The following CHEK2 variants were observed in gnomAD, a reference collection of about 807,000 sequenced individuals.
CHEK2 encodes the protein serine/threonine-protein kinase Chk2.
In CHEK2, 71 loss-of-function variants were observed where a neutral mutation model predicts 69.1. The observed-to-expected ratio is 1.03, with a 90% CI of 0.85 to 1.25. The LOEUF is 1.25. Among genes scored for constraint, CHEK2 ranks in the 50% most tolerant of loss-of-function variants. The pLI, the probability that CHEK2 is intolerant of heterozygous loss-of-function variation, is 0.00. For missense variants in CHEK2, 664 were observed against 649.6 expected, an observed-to-expected ratio of 1.02 and a Z score of -0.24; for synonymous variants, 189 against 226.9, an observed-to-expected ratio of 0.83 and a Z score of 1.50.
chr22:28,726,394 A>T (rs879322214), intron 2 of CHEK2: 67 of 147,332 alleles, frequency 4.5e-4, no homozygotes, highest in Non-Finnish European at 8.0e-4. Context: ...CAAATATTTA[A>T]TATATATTAT....
At chr22:28,699,747 T>A in intron 9 of CHEK2, 91 bp downstream of exon 9, 1 of 927,730 alleles carries the variant, frequency 1.1e-6, no homozygotes, top group Non-Finnish European at 1.8e-6. Context: ...CTTCTGAGTT[T>A]TAATCCACGG....
chr22:28,703,434 C>T (rs769444120), intron 8 of CHEK2, 71 bp downstream of exon 8: 19 of 844,978 alleles, frequency 2.2e-5, no homozygotes, highest in Non-Finnish European at 3.7e-5. Flanking sequence ...GGCAAGCCTA[C>T]ATTAGATTCT....
In CHEK2 at chr22:28,725,134, AG is replaced by A; in HGVS notation, c.445-11del. The A allele has an allele frequency of 6.2e-7, 1 of 1,614,140 alleles. No homozygotes were observed. ...TTTTAGGACCCACTTCCTAAAATAG[AG>A]AACATTTTGTTTCAGACTTTGAATA... On this transcript the variant is annotated splice_polypyrimidine_tract_variant and intron_variant, in intron 3 of 14. Coordinates refer to ENST00000404276, the MANE Select transcript of CHEK2 (RefSeq NM_007194.4).
At chr22:28,714,730 C>A (rs1428619420) in intron 5 of CHEK2, among the ~76,000 whole-genome samples, 2 of 152,136 alleles carry the variant, frequency 1.3e-5, no homozygotes, top group South Asian at 2.1e-4. Flanking sequence ...TCATGAAGAG[C>A]TGTCCCTATG....
chr22:28,717,958 G>A (rs755724259), intron 5 of CHEK2, among the ~76,000 whole-genome samples: 1 of 152,300 alleles, frequency 6.6e-6, no homozygotes, highest in South Asian at 2.1e-4. Context: ...GTGCAAGCCT[G>A]TAGTCCCAGC....
rs17881275 is a variant in CHEK2, at chr22:28,688,154, C to T, written c.1543-168G>A. 3.2e-3 allele frequency among the ~76,000 whole-genome samples: 488 copies of T among 152,104 alleles called. No individual in the cohort carries two copies. Among genetic ancestry groups the T allele is most frequent in the African/African-American group, 0.011 (474 of 41,532 alleles). ...TGACAACTGAGTCCTCACCACAGCC[C>T]CCAACTCAGACATGCTTATCTAATA... On this transcript the variant is annotated intron_variant, in intron 14 of 14. Coordinates refer to ENST00000404276, the MANE Select transcript of CHEK2 (RefSeq NM_007194.4).
chr22:28,700,322 A>G (rs573113574), intron 8 of CHEK2, among the ~76,000 whole-genome samples: 7 of 149,718 alleles, frequency 4.7e-5, no homozygotes, highest in African/African-American at 1.7e-4. Flanking sequence ...AGTGATTCTC[A>G]TGCCTTAGCC....
chr22:28,741,220 A>AT (rs1383828241), intron 1 of CHEK2, among the ~76,000 whole-genome samples: 4 of 151,714 alleles, frequency 2.6e-5, no homozygotes, highest in Admixed American at 6.6e-5. Context: ...AAAATAAATA[A>AT]TTTTTTTTAA....
intron 2 of CHEK2, among the ~76,000 whole-genome samples, chr22:28,732,546 C>G (rs890628135): frequency 6.6e-6 from 1 of 152,030 alleles, no homozygotes; most frequent in African/African-American, 2.4e-5. Flanking sequence ...AATGCCCGGT[C>G]TGAAAAATAT....
At position 28,730,334 on chromosome 22, in the gene CHEK2, A is replaced by AG. The variant is rs1434536824; in HGVS notation, c.319+4068_319+4069insC. 4 of 467,552 alleles carry AG rather than the reference A, an allele frequency of 8.6e-6. No individual in the cohort carries two copies. In the Admixed American group the frequency reaches 1.4e-4, roughly 17 times the overall value. The allele number at this position is 467,552 out of a possible 1,614,324, so 29.0% of individuals were successfully genotyped here. On this transcript the variant is annotated intron_variant, in intron 2 of 14. Coordinates refer to ENST00000404276, the MANE Select transcript of CHEK2 (RefSeq NM_007194.4). ...AGGAAAGCAGAAGGGAAAGGAAAGG[A>AG]AAGGAAAAAAGAAAGGGGAAAGGGG...
intron 4 of CHEK2, among the ~76,000 whole-genome samples, chr22:28,720,092 ATT>A (rs66862903): frequency 0.023 from 3,054 of 134,470 alleles, 36 homozygotes; most frequent in African/African-American, 0.044. Flanking sequence ...AAAAAAAGTA[ATT>A]TTTTTTTTTT....
At chr22:28,724,150 G>A (rs920677121) in intron 4 of CHEK2, among the ~76,000 whole-genome samples, 2 of 152,148 alleles carry the variant, frequency 1.3e-5, no homozygotes, top group Non-Finnish European at 2.9e-5. Context: ...GCTCACGCCT[G>A]TAATCCCAGC....
At position 28,699,931 on chromosome 22, in the gene CHEK2, T is replaced by C. The variant is rs587780191; in HGVS notation, c.915A>G (p.Glu305=). 2 of 1,612,948 alleles carry C rather than the reference T, an allele frequency of 1.2e-6. No homozygotes were observed. Among genetic ancestry groups the C allele is most frequent in the Non-Finnish European group, 8.5e-7 (1 of 1,179,144 alleles). ...CCACTTTGTCAAACAGCTCTCCCCCTTCCATCCTGAAACACAAAGGCAAGG... is the reference window on the plus strand; with the variant it reads ...CCACTTTGTCAAACAGCTCTCCCCCCTCCATCCTGAAACACAAAGGCAAGG... ...EDYYIVLELM[E]GGELFDKVVG... is the part of the protein sequence containing the mutation. Residue 305 remains glutamate, a synonymous_variant, in exon 9 of 15, where the codon GAA becomes GAG. Transcript: ENST00000404276.
chr22:28,731,600 A>C (rs999372821), intron 2 of CHEK2, among the ~76,000 whole-genome samples: 2 of 151,500 alleles, frequency 1.3e-5, no homozygotes, highest in Admixed American at 6.6e-5. Context: ...CGTCTCAAAT[A>C]ATAATAATAA....
rs2052647230 is a variant in CHEK2 at position 28,697,683 on chromosome 22, C to T, written c.1009-696G>A. ...CTCCTCAGCTCAAGTGATCCTCCCA[C>T]CTCAGCCTCATGAGTAGCTAGGACC... On this transcript the variant is annotated intron_variant, in intron 9 of 14. Coordinates refer to ENST00000404276, the MANE Select transcript of CHEK2 (RefSeq NM_007194.4). 2.0e-5 allele frequency among the ~76,000 whole-genome samples: 3 copies of T among 152,010 alleles called. No individual in the cohort carries two copies. In the South Asian group the frequency reaches 6.2e-4, roughly 32 times the overall value.
chr22:28,740,386 G>A (rs1022755247), intron 1 of CHEK2, among the ~76,000 whole-genome samples: 1 of 152,108 alleles, frequency 6.6e-6, no homozygotes, highest in South Asian at 2.1e-4. Context: ...GGCTCTGCCC[G>A]CATCAAAAAC....
intron 5 of CHEK2, among the ~76,000 whole-genome samples, chr22:28,717,611 C>G (rs1234478940): frequency 6.6e-6 from 1 of 151,722 alleles, no homozygotes; most frequent in East Asian, 1.9e-4. Flanking sequence ...AGTGGTGGCT[C>G]ACGCCTATAA....
chr22:28,715,627 C>A (rs1014697788), intron 5 of CHEK2, among the ~76,000 whole-genome samples: 8 of 152,094 alleles, frequency 5.3e-5, no homozygotes, highest in Middle Eastern at 6.8e-3. Flanking sequence ...ACTGTGTCAG[C>A]CCGGCTGGTC....
chr22:28,719,508 T>C, intron 4 of CHEK2, 23 bp from the exon 5 acceptor site: 1 of 1,383,608 alleles, frequency 7.2e-7, no homozygotes, highest in Non-Finnish European at 1.0e-6. Context: ...AGAGTAGAAA[T>C]GGGTTTCATT....
Sources: allele counts gnomAD v4.1 joint callset (sites outside exome capture counted in the v4.1 genomes callset), GRCh38; gene constraint gnomAD v4.1.1; transcripts MANE v1.5; gene names NCBI Gene and HGNC (gene_info 2026-07-23, HGNC 2026-07-21).